The following CTNNA3 variants were observed in gnomAD, a reference collection of about 807,000 sequenced individuals.
The protein encoded by CTNNA3 is catenin alpha 3, also known as catenin alpha-3.
CTNNA3 carries 76 observed loss-of-function variants against 95.7 expected under a neutral mutation model. The observed-to-expected ratio is 0.79, with a 90% CI of 0.66 to 0.96. CTNNA3 has a LOEUF of 0.96. Among genes scored for constraint, CTNNA3 ranks in the 40% least tolerant of loss-of-function variants. CTNNA3 has a pLI of 0.00. For missense variants in CTNNA3, 1,191 were observed against 1,089.8 expected, an observed-to-expected ratio of 1.09 and a Z score of -1.31; for synonymous variants, 431 against 374.4, an observed-to-expected ratio of 1.15 and a Z score of -1.74.
In CTNNA3 at chr10:67,075,170, G is replaced by GCACA. The variant is rs57260841; in HGVS notation, c.1047+105143_1047+105146dup. Among the ~76,000 whole-genome samples the GCACA allele has an allele frequency of 3.3e-3, 492 of 149,740 alleles. 4 individuals are homozygous for GCACA. Among genetic ancestry groups the GCACA allele is most frequent in the African/African-American group, 0.011 (444 of 40,628 alleles). On this transcript the variant is annotated intron_variant, in intron 7 of 17. Transcript: ENST00000433211. Reference sequence around the variant, plus strand: ...TTTTGTGTTGCTTCTAAGGATTTCTGCACACACACACACACACACTCACAC... The same window carrying GCACA: ...TTTTGTGTTGCTTCTAAGGATTTCTGCACACACACACACACACACACACTCACAC...
intron 7 of CTNNA3, among the ~76,000 whole-genome samples, chr10:66,895,571 T>A (rs895854761): frequency 2.6e-5 from 4 of 152,126 alleles, no homozygotes; most frequent in Non-Finnish European, 5.9e-5. Context: ...GGTATGCTAT[T>A]ACAATTAACA....
At chr10:67,164,055 A>G (rs774147602) in intron 7 of CTNNA3, among the ~76,000 whole-genome samples, 34 of 150,912 alleles carry the variant, frequency 2.3e-4, no homozygotes, top group Non-Finnish European at 3.7e-4. Flanking sequence ...TCCTAAATTG[A>G]TATACAAGTT....
At chr10:66,828,313 C>T (rs1190229686) in intron 7 of CTNNA3, among the ~76,000 whole-genome samples, 2 of 152,210 alleles carry the variant, frequency 1.3e-5, no homozygotes, top group Non-Finnish European at 2.9e-5. Context: ...AGAAGCCAGA[C>T]TAAACCAAAC....
intron 7 of CTNNA3, among the ~76,000 whole-genome samples, chr10:66,920,465 ACT>A (rs548720441): frequency 1.3e-3 from 204 of 152,326 alleles, no homozygotes; most frequent in African/African-American, 4.9e-3. Context: ...TTTTGGCTCT[ACT>A]GCCCTCCAAG....
rs372950373 is a variant in CTNNA3 at position 67,611,952 on chromosome 10, A to T, written c.100-4903T>A. On this transcript the variant is annotated intron_variant, in intron 2 of 17. Transcript: ENST00000433211. Reference sequence around the variant, plus strand: ...GGTAGAAAAATAAAACTGCCTATAGATAAGTAAAAACTGTGATCTTTCAAA... The same window carrying T: ...GGTAGAAAAATAAAACTGCCTATAGTTAAGTAAAAACTGTGATCTTTCAAA... Among the ~76,000 whole-genome samples, 21 of 152,342 alleles carry T rather than the reference A, an allele frequency of 1.4e-4. No homozygotes were observed. The South Asian group carries it at 2.1e-3, about 15-fold the overall frequency.
rs557669365 is a variant in CTNNA3 at position 66,842,087 on chromosome 10, C to G, written c.1048-66563G>C. Among the ~76,000 whole-genome samples, 80 of 152,082 alleles carry G rather than the reference C, an allele frequency of 5.3e-4. 2 individuals carry two copies. In the South Asian group the frequency reaches 7.5e-3, roughly 14 times the overall value. The stretch of plus-strand genomic sequence containing the variant: ...TTGGGACCACAGCACGCACACCAAA[C>G]CTGGCTAAATTCGTTTTTCTTTTTT... On this transcript the variant is annotated intron_variant, in intron 7 of 17. Transcript: ENST00000433211.
At chr10:67,760,641 GAGAGT>G (rs982453943) in intron 1 of CTNNA3, among the ~76,000 whole-genome samples, 3 of 96,304 alleles carry the variant, frequency 3.1e-5, no homozygotes, top group African/African-American at 5.1e-5. Context: ...GAGCGGGTGA[GAGAGT>G]AAAGCTTCAT....
chr10:66,542,271 A>T (rs543572262), intron 10 of CTNNA3, among the ~76,000 whole-genome samples: 99 of 151,974 alleles, frequency 6.5e-4, no homozygotes, highest in Admixed American at 3.3e-3. Context: ...AGAAATAGGA[A>T]CACTTTTACA....
At chr10:67,747,232 C>T (rs1002940867) in intron 1 of CTNNA3, among the ~76,000 whole-genome samples, 2 of 149,604 alleles carry the variant, frequency 1.3e-5, no homozygotes, top group Non-Finnish European at 2.9e-5. Flanking sequence ...GCAGACCAGA[C>T]GAGTGGGTTT....
chr10:67,462,541 G>C (rs890151246), intron 5 of CTNNA3, among the ~76,000 whole-genome samples: 20 of 152,306 alleles, frequency 1.3e-4, no homozygotes, highest in African/African-American at 4.3e-4. Flanking sequence ...GAAGCAGAAA[G>C]TTTAGTGTCT....
At chr10:66,002,823 A>G (rs1325227395) in intron 15 of CTNNA3, among the ~76,000 whole-genome samples, 1 of 152,236 alleles carries the variant, frequency 6.6e-6, no homozygotes, top group African/African-American at 2.4e-5. Flanking sequence ...ACAAAGGCTC[A>G]TGTAACTGCA....
intron 13 of CTNNA3, among the ~76,000 whole-genome samples, chr10:66,244,987 G>T (rs1366562103): frequency 1.4e-4 from 22 of 152,140 alleles, no homozygotes; most frequent in Admixed American, 1.4e-3. Context: ...CCTCTGCCTG[G>T]TGGCGCCTTT....
chr10:66,294,886 CAG>C (rs35664400), intron 12 of CTNNA3, among the ~76,000 whole-genome samples: 19,113 of 142,056 alleles, frequency 0.13, 1,383 homozygotes, highest in East Asian at 0.28. Context: ...ACAGTCAGGA[CAG>C]AGAGAGAGAG....
chr10:66,041,521 A>G (rs1364273374), intron 15 of CTNNA3, among the ~76,000 whole-genome samples: 2 of 152,186 alleles, frequency 1.3e-5, no homozygotes, highest in Admixed American at 6.5e-5. Flanking sequence ...TGTTTTTTCT[A>G]ACTCTTCTGT....
intron 13 of CTNNA3, among the ~76,000 whole-genome samples, chr10:66,212,082 C>T (rs1420548565): frequency 6.7e-6 from 1 of 148,960 alleles, no homozygotes; most frequent in Non-Finnish European, 1.5e-5. Context: ...CTCTGCATCC[C>T]AAGTTCAGGC....
intron 10 of CTNNA3, among the ~76,000 whole-genome samples, chr10:66,585,342 T>C (rs989642837): frequency 2.6e-5 from 4 of 152,030 alleles, no homozygotes; most frequent in Admixed American, 1.3e-4. Context: ...TGTTTGGCCA[T>C]TTTATATAAT....
intron 5 of CTNNA3, among the ~76,000 whole-genome samples, chr10:67,505,567 G>A (rs922773832): frequency 6.6e-6 from 1 of 152,122 alleles, no homozygotes; most frequent in African/African-American, 2.4e-5. Context: ...TCTTCATTAA[G>A]CAAACAGTAA....
intron 3 of CTNNA3, among the ~76,000 whole-genome samples, chr10:67,544,825 A>C (rs1465063193): frequency 6.6e-6 from 1 of 152,202 alleles, no homozygotes; most frequent in Non-Finnish European, 1.5e-5. Context: ...ACATTGCCCT[A>C]GTGCCTTCTA....
intron 15 of CTNNA3, among the ~76,000 whole-genome samples, chr10:66,046,028 T>C (rs1589289363): frequency 6.6e-6 from 1 of 151,354 alleles, no homozygotes; most frequent in Non-Finnish European, 1.5e-5. Context: ...ATGAAAGGGG[T>C]GAGTAATACA....
Sources: allele counts gnomAD v4.1 joint callset (sites outside exome capture counted in the v4.1 genomes callset), GRCh38; gene constraint gnomAD v4.1.1; transcripts MANE v1.5; gene names NCBI Gene and HGNC (gene_info 2026-07-23, HGNC 2026-07-21).